Variants in CTNNA1 observed in about 807,000 individuals in gnomAD.
CTNNA1 encodes catenin alpha-1.
Under a neutral mutation model 98.4 loss-of-function variants are expected in CTNNA1, and 37 were observed. The observed-to-expected ratio is 0.38, with a 90% CI of 0.29 to 0.49. The LOEUF (loss-of-function observed/expected upper bound fraction) is 0.49. Ranked by LOEUF, CTNNA1 falls within the 20% of genes least tolerant of loss-of-function variation. The pLI, the probability that CTNNA1 is intolerant of heterozygous loss-of-function variation, is 0.95. For missense variants in CTNNA1, 761 were observed against 1,147.2 expected (o/e 0.66, Z 4.86); for synonymous variants, 404 against 413.2 (o/e 0.98, Z 0.27).
intron 7 of CTNNA1, among the ~76,000 whole-genome samples, chr5:138,881,967 G>A (rs921314525): frequency 2.6e-5 from 4 of 152,222 alleles, no homozygotes; most frequent in South Asian, 2.1e-4. Flanking sequence ...TTTATTTGAA[G>A]TCTTATATTC....
intron 1 of CTNNA1, among the ~76,000 whole-genome samples, chr5:138,773,597 G>A (rs1753777146): frequency 6.6e-6 from 1 of 152,044 alleles, no homozygotes; most frequent in South Asian, 2.1e-4. Context: ...AATACACTGA[G>A]TTCTCAATTT....
chr5:138,811,035 C>T (rs1758675356), intron 4 of CTNNA1, among the ~76,000 whole-genome samples: 1 of 152,010 alleles, frequency 6.6e-6, no homozygotes, highest in African/African-American at 2.4e-5. Context: ...CACCTCCCTC[C>T]CGGACGGGGT....
intron 1 of CTNNA1, among the ~76,000 whole-genome samples, chr5:138,759,268 C>T (rs1752053556): frequency 6.6e-6 from 1 of 152,020 alleles, no homozygotes; most frequent in Admixed American, 6.6e-5. Context: ...CCAGGGTTTG[C>T]TGGATTTTTT....
intron 11 of CTNNA1, among the ~76,000 whole-genome samples, chr5:138,920,470 C>A (rs1387742804): frequency 6.6e-6 from 1 of 152,186 alleles, no homozygotes; most frequent in Non-Finnish European, 1.5e-5. Context: ...CTTTGGTGGA[C>A]CCATAGTGAG....
intron 7 of CTNNA1, among the ~76,000 whole-genome samples, chr5:138,860,159 G>A (rs1764131627): frequency 6.6e-6 from 1 of 152,112 alleles, no homozygotes; most frequent in South Asian, 2.1e-4. Flanking sequence ...ACTGATTATT[G>A]TTTTTGGAAA....
intron 7 of CTNNA1, among the ~76,000 whole-genome samples, chr5:138,836,355 C>T (rs1275838502): frequency 6.6e-6 from 1 of 152,188 alleles, no homozygotes; most frequent in Non-Finnish European, 1.5e-5. Context: ...TGTAGAGCAG[C>T]ATTTATTTAA....
intron 5 of CTNNA1, among the ~76,000 whole-genome samples, chr5:138,818,873 G>C (rs1759724799): frequency 6.6e-6 from 1 of 152,110 alleles, no homozygotes; most frequent in African/African-American, 2.4e-5. Context: ...CCAGGCTCAG[G>C]GTTTTGTGAA....
intron 5 of CTNNA1, among the ~76,000 whole-genome samples, chr5:138,820,736 G>A (rs909212816): frequency 1.1e-5 from 1 of 91,614 alleles, no homozygotes; most frequent in Non-Finnish European, 2.5e-5. Flanking sequence ...CGTTGTTTTG[G>A]GTGTTGTTTT....
chr5:138,796,543 CAAAA>C (rs142596986), intron 3 of CTNNA1, among the ~76,000 whole-genome samples: 1 of 40,064 alleles, frequency 2.5e-5, no homozygotes. Flanking sequence ...GACTCCGTCT[CAAAA>C]AAAAAAAAAA....
chr5:138,806,237 C>T (rs916921017), intron 3 of CTNNA1, among the ~76,000 whole-genome samples: 12 of 152,092 alleles, frequency 7.9e-5, no homozygotes, highest in African/African-American at 2.9e-4. Flanking sequence ...TTTGGTTGAC[C>T]AGTTTTCTCT....
chr5:138,926,187 C>A (rs28363475), intron 13 of CTNNA1, among the ~76,000 whole-genome samples: 1,967 of 152,334 alleles, frequency 0.013, 48 homozygotes, highest in African/African-American at 0.04. Context: ...CCTGCAACTC[C>A]CAGCGAGCCT....
intron 7 of CTNNA1, among the ~76,000 whole-genome samples, chr5:138,863,296 T>C (rs988016185): frequency 6.6e-6 from 1 of 152,100 alleles, no homozygotes; most frequent in Non-Finnish European, 1.5e-5. Flanking sequence ...AGGGTAGTGG[T>C]GTGATCACGG....
chr5:138,887,356 T>C (rs2150030932), intron 8 of CTNNA1, 134 bp from the exon 9 acceptor site: 1 of 588,760 alleles, frequency 1.7e-6, no homozygotes, highest in East Asian at 3.0e-5. Context: ...ATGGCTTACA[T>C]GAGGGGTCCT....
At chr5:138,838,420 T>G (rs1761990691) in intron 7 of CTNNA1, among the ~76,000 whole-genome samples, 1 of 152,240 alleles carries the variant, frequency 6.6e-6, no homozygotes, top group Non-Finnish European at 1.5e-5. Flanking sequence ...GTATTCTCTG[T>G]TTCATAACTA....
At chr5:138,810,812 C>T (rs1435008739) in intron 4 of CTNNA1, among the ~76,000 whole-genome samples, 4 of 152,386 alleles carry the variant, frequency 2.6e-5, no homozygotes, top group African/African-American at 9.6e-5. Flanking sequence ...GGGTACACCT[C>T]CCAGACGGGG....
intron 7 of CTNNA1, among the ~76,000 whole-genome samples, chr5:138,879,171 TAAAA>T (rs35271091): frequency 4.1e-4 from 33 of 80,316 alleles, no homozygotes; most frequent in African/African-American, 7.6e-4. Context: ...ACTCCGTCTT[TAAAA>T]AAAAAAAAAA....
intron 1 of CTNNA1, among the ~76,000 whole-genome samples, chr5:138,766,246 A>G (rs1752930023): frequency 2.0e-5 from 3 of 152,226 alleles, no homozygotes; most frequent in African/African-American, 7.2e-5. Flanking sequence ...TTGAAGGAAA[A>G]TTGTAGCTTT....
intron 5 of CTNNA1, among the ~76,000 whole-genome samples, chr5:138,818,117 C>T (rs182920618): frequency 5.9e-5 from 9 of 151,472 alleles, no homozygotes; most frequent in Admixed American, 4.6e-4. Flanking sequence ...TTGATTTCCC[C>T]CTTTTTTTTC....
chr5:138,900,589 T>C (rs543654059), intron 9 of CTNNA1, among the ~76,000 whole-genome samples: 1 of 152,314 alleles, frequency 6.6e-6, no homozygotes, highest in South Asian at 2.1e-4. Context: ...GGAGCAGGAT[T>C]GAAATAAAGT....
Sources: allele counts gnomAD v4.1 joint callset (sites outside exome capture counted in the v4.1 genomes callset), GRCh38; gene constraint gnomAD v4.1.1; transcripts MANE v1.5; gene names NCBI Gene and HGNC (gene_info 2026-07-23, HGNC 2026-07-21).